ZMYM6: variants seen among roughly 807,000 people sequenced by gnomAD.
ZMYM6 encodes the protein zinc finger MYM-type containing 6.
A neutral mutation model predicts 134.0 loss-of-function variants in ZMYM6; 90 were observed. That is an observed-to-expected ratio of 0.67 (90% confidence interval 0.57 to 0.80). ZMYM6 has a LOEUF of 0.80. Ranked by LOEUF, ZMYM6 falls within the 30% of genes least tolerant of loss-of-function variation. ZMYM6 has a pLI of 0.00. For missense variants in ZMYM6, 1,362 were observed against 1,533.9 expected (o/e 0.89, Z 1.87); for synonymous variants, 481 against 524.1 (o/e 0.92, Z 1.12).
chr1:35,020,028 G>A (rs976971872), intron 3 of ZMYM6, among the ~76,000 whole-genome samples: 5 of 151,998 alleles, frequency 3.3e-5, no homozygotes, highest in Admixed American at 6.6e-5. Flanking sequence ...GAGGCAATAA[G>A]AGCTCTAAAA....
At position 35,011,027 on chromosome 1, in the gene ZMYM6, T is replaced by C. The variant is rs769944797; in HGVS notation, c.1072A>G (p.Ser358Gly). 10 of 1,612,860 alleles carry C rather than the reference T, an allele frequency of 6.2e-6. No individual in the cohort carries two copies. Among genetic ancestry groups the C allele is most frequent in the Non-Finnish European group, 8.5e-6 (10 of 1,179,806 alleles). ...GAAGAGTTTGTTCCTTTTGGCTTGC[T>C]AAATACATTCTGAATGAAAACAAAT... ...SCVVAFQNVFSKPKGTNSSAV... is the reference protein window; with the variant it reads ...SCVVAFQNVFGKPKGTNSSAV... Residue 358 changes from serine to glycine, a missense_variant, in exon 9 of 16, where the codon AGC becomes GGC. Physicochemically the swap from Ser to Gly is moderately conservative, Grantham distance 56. Transcript: ENST00000357182.
chr1:35,012,329 A>T, intron 7 of ZMYM6, 102 bp downstream of exon 7: 1 of 1,106,814 alleles, frequency 9.0e-7, no homozygotes, highest in Non-Finnish European at 1.2e-6. Flanking sequence ...GTTTTTATTT[A>T]ACTAAATAGA....
chr1:35,015,743 A>AT lies in ZMYM6; in HGVS notation c.429-582_429-581insA, dbSNP rs1553131756. ...CATCTCAAAAAAAAAAAAAAAAAAA[A>AT]ATATATATATATATATATGTGGCCA... is the stretch of plus-strand genomic sequence containing the variant. On this transcript the variant is annotated intron_variant, in intron 4 of 15. Coordinates refer to ENST00000357182, the MANE Select transcript of ZMYM6 (RefSeq NM_007167.4). 5.1e-3 allele frequency among the ~76,000 whole-genome samples: 542 copies of AT among 106,276 alleles called. 4 individuals are homozygous for AT. The highest frequency in any genetic ancestry group is 0.031 in the East Asian group (118 of 3,788). The allele number at this position is 106,276 out of a possible 152,430, so 69.7% of individuals were successfully genotyped here. A position where few individuals can be genotyped will look rare whatever the true frequency, so the allele number is the denominator to read the frequency against.
intron 4 of ZMYM6, among the ~76,000 whole-genome samples, chr1:35,017,004 CAAA>C (rs747264286): frequency 8.8e-6 from 1 of 114,040 alleles, no homozygotes; most frequent in Non-Finnish European, 1.9e-5. Context: ...GACCGTGTCT[CAAA>C]AAAAAAAAAA....
At position 35,015,121 on chromosome 1, in the gene ZMYM6, T is replaced by C; in HGVS notation, c.470A>G (p.Glu157Gly). ...GAAATCTTTGCTAGGATAGGAATTC[T>C]CAAAGCGAGTTGTGATCACATCCTT... ...NPKDVITTRF[E>G]NSYPSKDFCS... Residue 157 changes from glutamate (E) to glycine (G), a missense_variant, in exon 5 of 16, where the codon GAG becomes GGG. By Grantham distance (98) the Glu-to-Gly change is moderately conservative. Around this residue, in one of 3 missense-constraint regions of ZMYM6, gnomAD observed 503 missense variants for 520.8 expected, o/e 0.97. Coordinates refer to ENST00000357182, the MANE Select transcript of ZMYM6 (RefSeq NM_007167.4). 1.2e-6 allele frequency: 2 copies of C among 1,612,364 alleles called. No homozygotes were observed. Among genetic ancestry groups the C allele is most frequent in the Non-Finnish European group, 1.7e-6 (2 of 1,179,596 alleles).
chr1:35,011,986 A>G lies in ZMYM6; in HGVS notation c.966T>C (p.His322=), dbSNP rs1350709118. 1.2e-6 allele frequency: 2 copies of G among 1,606,532 alleles called. No homozygotes were observed. The highest frequency in any genetic ancestry group is 1.7e-4 in the Middle Eastern group (1 of 6,034). The change falls in exon 8 of 16, where the codon CAT becomes CAC. Residue 322 remains histidine, a synonymous_variant. Transcript: ENST00000357182. ...GAGGGATTGCTGAGGTTTTACAACTATGACATGAAACCTGGACACCTTGGT... is the reference window on the plus strand; with the variant it reads ...GAGGGATTGCTGAGGTTTTACAACTGTGACATGAAACCTGGACACCTTGGT... ...VTSSGVQVSC[H]SCKTSAIPQY...
intron 2 of ZMYM6, among the ~76,000 whole-genome samples, chr1:35,026,029 T>G (rs934426841): frequency 1.4e-5 from 2 of 146,842 alleles, no homozygotes; most frequent in African/African-American, 5.0e-5. Flanking sequence ...AAACTGCAAC[T>G]TTTTTTTTTT....
intron 8 of ZMYM6, among the ~76,000 whole-genome samples, chr1:35,011,440 A>C (rs1313574046): frequency 6.6e-6 from 1 of 152,202 alleles, no homozygotes; most frequent in Non-Finnish European, 1.5e-5. Context: ...GAGATTACTA[A>C]ACTCTACTCT....
At chr1:35,016,344 A>C (rs1641187833) in intron 4 of ZMYM6, among the ~76,000 whole-genome samples, 1 of 152,220 alleles carries the variant, frequency 6.6e-6, no homozygotes, top group African/African-American at 2.4e-5. Flanking sequence ...ATATGACAAA[A>C]GGGCTGTTAA....
At chr1:34,990,332 A>G in intron 15 of ZMYM6, 1 of 256,368 alleles carries the variant, frequency 3.9e-6, no homozygotes, top group Non-Finnish European at 9.1e-6. Flanking sequence ...TACAAAAGAA[A>G]ATTAGCTGGG....
Position 34,991,685 on chromosome 1 carries a change from G to A in ZMYM6, c.2146+549C>T, listed in dbSNP as rs912621578. 9.9e-5 allele frequency among the ~76,000 whole-genome samples: 15 copies of A among 152,108 alleles called. 1 individual carries two copies. Among genetic ancestry groups the A allele is most frequent in the South Asian group, 6.2e-4 (3 of 4,820 alleles). On this transcript the variant is annotated intron_variant, in intron 15 of 15. Transcript: ENST00000357182. ...CTCAGGAGGCTGAGACAGGAGAATC[G>A]CTTGAACCCAGGAGGCAGAGGTTAT...
intron 14 of ZMYM6, among the ~76,000 whole-genome samples, chr1:35,002,939 G>C (rs1640904063): frequency 6.6e-6 from 1 of 152,088 alleles, no homozygotes; most frequent in Non-Finnish European, 1.5e-5. Context: ...TTGGGAGGTT[G>C]AGGCGGGAGG....
chr1:35,015,744 AT>A (rs1239035956), intron 4 of ZMYM6, among the ~76,000 whole-genome samples: 1,360 of 107,254 alleles, frequency 0.013, 9 homozygotes, highest in Non-Finnish European at 0.017. Context: ...AAAAAAAAAA[AT>A]ATATATATAT....
intron 14 of ZMYM6, among the ~76,000 whole-genome samples, chr1:35,003,601 A>G (rs1436822143): frequency 6.6e-6 from 1 of 152,238 alleles, no homozygotes; most frequent in East Asian, 1.9e-4. Context: ...GAATTTAAAT[A>G]AATTAAAGAA....
chr1:35,026,205 G>C (rs180929461), intron 2 of ZMYM6, among the ~76,000 whole-genome samples: 178 of 151,918 alleles, frequency 1.2e-3, no homozygotes, highest in Admixed American at 2.7e-3. Context: ...ATTTTTAGTA[G>C]AGACAGGGTT....
chr1:35,012,863 A>G (rs1641110723), intron 6 of ZMYM6: 2 of 985,338 alleles, frequency 2.0e-6, no homozygotes, highest in African/African-American at 3.5e-5. Context: ...CATACTTTTT[A>G]ATCACCAATA....
chr1:35,007,309 C>G (rs531771576), intron 11 of ZMYM6, among the ~76,000 whole-genome samples: 35 of 152,242 alleles, frequency 2.3e-4, no homozygotes, highest in African/African-American at 8.4e-4. Context: ...TGTGGCCAGG[C>G]ACGGTAATTG....
chr1:34,991,995 TCACTAATGCTTTTAA>T (rs1417906225), intron 15 of ZMYM6: 2 of 525,154 alleles, frequency 3.8e-6, no homozygotes, highest in African/African-American at 3.9e-5. Flanking sequence ...ACAGGTTAAA[TCACTAATGCTTTTAA>T]CTAAAACTGT....
At chr1:35,028,585 C>T (rs1224001617) in intron 2 of ZMYM6, among the ~76,000 whole-genome samples, 4 of 151,286 alleles carry the variant, frequency 2.6e-5, no homozygotes, top group Admixed American at 1.3e-4. Context: ...CTGCAAGCTC[C>T]GCCTCCTGGG....
Sources: allele counts gnomAD v4.1 joint callset (sites outside exome capture counted in the v4.1 genomes callset), GRCh38; gene constraint gnomAD v4.1.1; regional missense constraint gnomAD v4.1.1; transcripts MANE v1.5; gene names NCBI Gene and HGNC (gene_info 2026-07-23, HGNC 2026-07-21).